The following CAMK2G variants were observed in gnomAD, a reference collection of about 807,000 sequenced individuals.
The protein encoded by CAMK2G is calcium/calmodulin-dependent protein kinase type II subunit gamma.
In CAMK2G, 23 loss-of-function variants were observed where a neutral mutation model predicts 88.7. The observed-to-expected ratio is 0.26, with a 90% CI of 0.19 to 0.37. The LOEUF (loss-of-function observed/expected upper bound fraction) is 0.37. Ranked by LOEUF, CAMK2G falls within the 10% of genes least tolerant of loss-of-function variation. The pLI is 1.00. For synonymous variants in CAMK2G, 263 were observed against 294.8 expected, an observed-to-expected ratio of 0.89 and a Z score of 1.11; for missense variants, 476 against 780.8, an observed-to-expected ratio of 0.61 and a Z score of 4.65.
chr10:73,835,896 G>A (rs1371501440), intron 14 of CAMK2G, among the ~76,000 whole-genome samples: 6 of 152,016 alleles, frequency 3.9e-5, no homozygotes, highest in Non-Finnish European at 7.4e-5. Flanking sequence ...GTGCAATGGC[G>A]CAATCTTGGC....
intron 22 of CAMK2G, 48 bp downstream of exon 22, chr10:73,814,955 A>C (rs1589667014): frequency 7.6e-7 from 1 of 1,320,748 alleles, no homozygotes; most frequent in Admixed American, 1.8e-5. Flanking sequence ...CTCTGACCCC[A>C]CCTATCCCAG....
At chr10:73,862,066 A>G (rs1329472838) in intron 2 of CAMK2G, among the ~76,000 whole-genome samples, 2 of 152,178 alleles carry the variant, frequency 1.3e-5, no homozygotes, top group African/African-American at 4.8e-5. Context: ...TGGAATAACC[A>G]GAAATCCACA....
intron 14 of CAMK2G, among the ~76,000 whole-genome samples, chr10:73,832,651 T>C (rs2092634682): frequency 6.6e-6 from 1 of 152,194 alleles, no homozygotes; most frequent in African/African-American, 2.4e-5. Flanking sequence ...ATATAAAACA[T>C]TTCTGCACTT....
intron 21 of CAMK2G, chr10:73,816,370 A>C (rs1016460191): frequency 1.0e-6 from 1 of 1,000,766 alleles, no homozygotes; most frequent in Non-Finnish European, 1.2e-6. Flanking sequence ...ACCTGCAGAC[A>C]CAGAGCTTAG....
Position 73,872,979 on chromosome 10 carries a change from G to A in CAMK2G, c.160+10C>T, listed in dbSNP as rs375974435. 1 of 1,580,370 alleles carries A rather than the reference G, an allele frequency of 6.3e-7. No homozygotes were observed. Among genetic ancestry groups the A allele is most frequent in the Non-Finnish European group, 8.7e-7 (1 of 1,148,844 alleles). On this transcript the variant is annotated intron_variant, in intron 2 of 22. Transcript: ENST00000423381. Reference sequence around the variant, plus strand: ...ACCCTCAGGAAGAGGTCAAGACAGGGAACACTCACCCCGGGCAGACAACTT... The same window carrying A: ...ACCCTCAGGAAGAGGTCAAGACAGGAAACACTCACCCCGGGCAGACAACTT...
At chr10:73,857,977 C>T (rs979664344) in intron 3 of CAMK2G, among the ~76,000 whole-genome samples, 4 of 152,228 alleles carry the variant, frequency 2.6e-5, no homozygotes, top group African/African-American at 4.8e-5. Context: ...AAATACCCCA[C>T]GTCCCCCACA....
rs2093867103 is a variant in CAMK2G, at chr10:73,842,380, C to T, written c.903+78G>A. On this transcript the variant is annotated intron_variant, in intron 11 of 22. Coordinates refer to ENST00000423381, the MANE Select transcript of CAMK2G (RefSeq NM_001367534.1). This position sits in a 1 kb window ranked among gnomAD's most constrained non-coding sequence, Gnocchi z 4.6. ...CCAGCTCCAGCCAGGAGGGGAGCTT[C>T]CTTCTGAAATGGGGCAGGAGCCACA... 2 of 1,253,150 alleles carry T rather than the reference C, an allele frequency of 1.6e-6. No individual in the cohort carries two copies. Among genetic ancestry groups the T allele is most frequent in the Non-Finnish European group, 2.4e-6 (2 of 851,052 alleles). 77.6% of individuals were successfully genotyped at this position (1,253,150 alleles called of 1,614,324 possible).
At chr10:73,832,239 A>G (rs2092562679) in intron 14 of CAMK2G, among the ~76,000 whole-genome samples, 1 of 152,132 alleles carries the variant, frequency 6.6e-6, no homozygotes, top group African/African-American at 2.4e-5. Flanking sequence ...TTATCCACAT[A>G]TTATATACTG....
At chr10:73,868,374 G>A (rs919879531) in intron 2 of CAMK2G, among the ~76,000 whole-genome samples, 4 of 152,316 alleles carry the variant, frequency 2.6e-5, no homozygotes, top group African/African-American at 9.6e-5. Flanking sequence ...ACAGGTGGGA[G>A]GGGAGGGGGA....
intron 2 of CAMK2G, among the ~76,000 whole-genome samples, chr10:73,870,125 G>A (rs2135929784): frequency 6.6e-6 from 1 of 152,240 alleles, no homozygotes; most frequent in East Asian, 1.9e-4. Flanking sequence ...AAGACATAAG[G>A]GCTCAGGCTC....
In CAMK2G at chr10:73,818,924, A is replaced by G. The variant is rs564044480; in HGVS notation, c.1363+608T>C. ...GAAATATGAGGATGAGCTACTGATA[A>G]CCCATCGAGGCACCGTATCAAGACT... On this transcript the variant is annotated intron_variant, in intron 19 of 22. Transcript: ENST00000423381. 209 of 425,416 alleles carry G rather than the reference A, an allele frequency of 4.9e-4. 2 individuals carry two copies. The highest frequency in any genetic ancestry group is 3.4e-3 in the South Asian group (206 of 61,350). The allele number at this position is 425,416 out of a possible 1,614,324, so 26.4% of individuals were successfully genotyped here.
intron 18 of CAMK2G, 83 bp downstream of exon 18, chr10:73,821,599 G>T: frequency 2.0e-6 from 2 of 1,021,880 alleles, no homozygotes; most frequent in Non-Finnish European, 3.0e-6. Flanking sequence ...CAGTTCTGGG[G>T]ACAGAAAAGG....
Position 73,825,135 on chromosome 10 carries a change from C to T in CAMK2G, c.1155+144G>A, listed in dbSNP as rs532879187. Reference sequence around the variant, plus strand: ...GGGACAATGAAGGGGAAGGGGCATACAGGGCGGCACACAAAGCAGTCAGTT... The same window carrying T: ...GGGACAATGAAGGGGAAGGGGCATATAGGGCGGCACACAAAGCAGTCAGTT... On this transcript the variant is annotated intron_variant, in intron 16 of 22. Coordinates refer to ENST00000423381, the MANE Select transcript of CAMK2G (RefSeq NM_001367534.1). The T allele has an allele frequency of 1.8e-4, 125 of 690,728 alleles. No individual in the cohort carries two copies. The East Asian group carries it at 3.1e-3, about 17-fold the overall frequency. The allele number at this position is 690,728 out of a possible 1,614,324, so 42.8% of individuals were successfully genotyped here.
At chr10:73,854,954 T>C (rs2094919780) in intron 3 of CAMK2G, among the ~76,000 whole-genome samples, 2 of 152,288 alleles carry the variant, frequency 1.3e-5, no homozygotes, top group South Asian at 4.1e-4. Context: ...GGGAACGGGA[T>C]CAAAGGCAGG....
At chr10:73,821,136 T>C (rs577570164) in intron 18 of CAMK2G, among the ~76,000 whole-genome samples, 2 of 152,190 alleles carry the variant, frequency 1.3e-5, no homozygotes, top group African/African-American at 4.8e-5. Context: ...ATTTTTTTTT[T>C]TTAATAGAGA....
At chr10:73,859,886 A>T (rs2095290802) in intron 3 of CAMK2G, among the ~76,000 whole-genome samples, 1 of 152,226 alleles carries the variant, frequency 6.6e-6, no homozygotes. Context: ...ATTAGGCTTC[A>T]GCAAGTCACC....
intron 14 of CAMK2G, among the ~76,000 whole-genome samples, chr10:73,835,062 C>A (rs1412264832): frequency 6.6e-6 from 1 of 152,158 alleles, no homozygotes; most frequent in Non-Finnish European, 1.5e-5. Flanking sequence ...TCCTCCTTAA[C>A]CCAGCAAAAT....
Position 73,815,171 on chromosome 10 carries a change from C to T in CAMK2G, c.1611G>A (p.Ala537=), listed in dbSNP as rs753044827. Residue 537 remains alanine (A), a synonymous_variant, in exon 22 of 23, where the codon GCG becomes GCA. Transcript: ENST00000423381. ...PHVHVIGEDA[A]CIAYIRLTQY... is the part of the protein sequence containing the mutation. ...GGGTGAGGCGGATGTAGGCGATGCA[C>T]GCTGCGTCCTCCCCAATCACGTGGA... 55 of 1,614,138 alleles carry T rather than the reference C, an allele frequency of 3.4e-5. 1 individual carries two copies. The Middle Eastern group carries it at 1.2e-3, about 34-fold the overall frequency.
intron 1 of CAMK2G, chr10:73,873,296 C>T (rs1591524066): frequency 6.2e-6 from 8 of 1,284,252 alleles, no homozygotes; most frequent in Middle Eastern, 2.9e-4. Flanking sequence ...TGGCGTGCCG[C>T]GCTCCCACCC....
Sources: allele counts gnomAD v4.1 joint callset (sites outside exome capture counted in the v4.1 genomes callset), GRCh38; gene constraint gnomAD v4.1.1; non-coding constraint Gnocchi (gnomAD v3.1); transcripts MANE v1.5; gene names NCBI Gene and HGNC (gene_info 2026-07-23, HGNC 2026-07-21).